KCNQ4: variants seen among roughly 807,000 people sequenced by gnomAD.
KCNQ4 encodes the protein potassium voltage-gated channel subfamily Q member 4.
In KCNQ4, 31 loss-of-function variants were observed where a neutral mutation model predicts 72.6. The observed-to-expected ratio is 0.43, with a 90% CI of 0.32 to 0.58. KCNQ4 has a LOEUF of 0.58. KCNQ4 is among the 20% of genes least tolerant of loss of function. KCNQ4 has a pLI of 0.08. For synonymous variants in KCNQ4, 405 were observed against 403.7 expected (o/e 1.00, Z -0.04); for missense variants, 869 against 962.6 (o/e 0.90, Z 1.29).
At chr1:40,791,069 T>G (rs1467770184) in intron 1 of KCNQ4, among the ~76,000 whole-genome samples, 1 of 151,464 alleles carries the variant, frequency 6.6e-6, no homozygotes, top group Non-Finnish European at 1.5e-5. Context: ...AGGAGGGCAC[T>G]CCCCCACTCT....
chr1:40,833,248 A>T (rs1050468503), intron 11 of KCNQ4, 135 bp downstream of exon 11: 15 of 651,128 alleles, frequency 2.3e-5, no homozygotes, highest in Non-Finnish European at 4.2e-5. Context: ...GTCTCTACTA[A>T]AAATACAAAA....
intron 9 of KCNQ4, among the ~76,000 whole-genome samples, chr1:40,824,563 C>A (rs3767941): frequency 6.6e-6 from 1 of 151,952 alleles, no homozygotes. Context: ...GTTCCCACGT[C>A]CCCCTTACTC....
chr1:40,785,256 A>T (rs1647190323), intron 1 of KCNQ4, among the ~76,000 whole-genome samples: 2 of 152,190 alleles, frequency 1.3e-5, no homozygotes, highest in African/African-American at 4.8e-5. Context: ...GTGAAGAGTG[A>T]ATTTTGGCAG....
intron 9 of KCNQ4, among the ~76,000 whole-genome samples, chr1:40,828,034 G>A (rs1375384180): frequency 6.6e-6 from 1 of 152,242 alleles, no homozygotes; most frequent in East Asian, 1.9e-4. Flanking sequence ...GTGTGGACAG[G>A]AAGGACACAG....
intron 7 of KCNQ4, 90 bp from the exon 8 acceptor site, chr1:40,822,224 A>G (rs1648318778): frequency 9.0e-7 from 1 of 1,108,540 alleles, no homozygotes; most frequent in South Asian, 1.3e-5. Context: ...CCACAACTGG[A>G]CCAAGGACTG....
rs187050969 is a variant in KCNQ4, at chr1:40,788,152, G to C, written c.314+3745G>C. Among the ~76,000 whole-genome samples, 9 of 152,152 alleles carry C rather than the reference G, an allele frequency of 5.9e-5. No homozygotes were observed. In the East Asian group the frequency reaches 1.7e-3, roughly 29 times the overall value. On this transcript the variant is annotated intron_variant, in intron 1 of 13. Transcript: ENST00000347132. This position sits in a 1 kb window ranked among gnomAD's most constrained non-coding sequence, Gnocchi z 4.5. ...TCTGAGAAAGAACATCGCCTGGGTTGGAAATCATCCCAGCAAAGTGTCCTC... is the reference window on the plus strand; with the variant it reads ...TCTGAGAAAGAACATCGCCTGGGTTCGAAATCATCCCAGCAAAGTGTCCTC...
chr1:40,838,553 G>C lies in KCNQ4; in HGVS notation c.*30G>C. The C allele has an allele frequency of 6.2e-7, 1 of 1,603,074 alleles. No homozygotes were observed. ...CTTCTCAGAGGCAGGGCAGCACACGGCCAGCCCCGCGGCCTGGCGCTCCGA... is the reference window on the plus strand; with the variant it reads ...CTTCTCAGAGGCAGGGCAGCACACGCCCAGCCCCGCGGCCTGGCGCTCCGA... On this transcript the variant is annotated 3_prime_UTR_variant, in exon 14 of 14. Coordinates refer to ENST00000347132, the MANE Select transcript of KCNQ4 (RefSeq NM_004700.4).
chr1:40,834,012 A>G (rs1648736999), intron 11 of KCNQ4, among the ~76,000 whole-genome samples: 1 of 151,886 alleles, frequency 6.6e-6, no homozygotes, highest in Admixed American at 6.6e-5. Flanking sequence ...TTGTCTCTAA[A>G]TAGATAAATA....
intron 1 of KCNQ4, among the ~76,000 whole-genome samples, chr1:40,802,834 A>G (rs1316480534): frequency 6.6e-6 from 1 of 152,200 alleles, no homozygotes; most frequent in Non-Finnish European, 1.5e-5. Context: ...ACCAGGGATC[A>G]TTGGTCCCAT....
intron 1 of KCNQ4, among the ~76,000 whole-genome samples, chr1:40,810,964 G>T (rs1266562468): frequency 6.6e-6 from 1 of 152,204 alleles, no homozygotes; most frequent in Non-Finnish European, 1.5e-5. Flanking sequence ...GCTTTATTGA[G>T]ATATAATTCA....
At chr1:40,833,186 A>C in intron 11 of KCNQ4, 73 bp downstream of exon 11, 1 of 1,122,666 alleles carries the variant, frequency 8.9e-7, no homozygotes, top group Non-Finnish European at 1.3e-6. Context: ...GGGCGGGTGG[A>C]TCACTTGAGG....
chr1:40,793,500 C>G (rs1366480488), intron 1 of KCNQ4, among the ~76,000 whole-genome samples: 1 of 152,146 alleles, frequency 6.6e-6, no homozygotes, highest in African/African-American at 2.4e-5. Context: ...ACAGCCTCCG[C>G]TCTGCAGTTT....
chr1:40,837,811 G>A lies in KCNQ4; in HGVS notation c.1875+17G>A. The A allele has an allele frequency of 6.2e-7, 1 of 1,600,360 alleles. No homozygotes were observed. Among genetic ancestry groups the A allele is most frequent in the Admixed American group, 1.7e-5 (1 of 57,422 alleles). ...GAGAAGCAGGTGAGTGTAGGATGGG[G>A]TGGCGGAGCTGGCCATACCAAGAAG... On this transcript the variant is annotated intron_variant, in intron 13 of 13. Coordinates refer to ENST00000347132, the MANE Select transcript of KCNQ4 (RefSeq NM_004700.4).
chr1:40,800,934 A>G (rs908248446), intron 1 of KCNQ4, among the ~76,000 whole-genome samples: 5 of 152,234 alleles, frequency 3.3e-5, no homozygotes, highest in South Asian at 4.1e-4. Flanking sequence ...AGACAGTACA[A>G]AAGCCACCAA....
chr1:40,819,143 T>A (rs891165760), intron 4 of KCNQ4, among the ~76,000 whole-genome samples: 1 of 3,676 alleles, frequency 2.7e-4, no homozygotes, highest in African/African-American at 1.1e-3. Context: ...AGGGTGGGGG[T>A]GGGAATGGGG....
At chr1:40,823,853 C>T (rs1423147997) in intron 8 of KCNQ4, among the ~76,000 whole-genome samples, 1 of 152,234 alleles carries the variant, frequency 6.6e-6, no homozygotes, top group African/African-American at 2.4e-5. Flanking sequence ...GCTCCTTGCA[C>T]GGCTGCCCTT....
chr1:40,828,372 A>G (rs929670556), intron 9 of KCNQ4, among the ~76,000 whole-genome samples: 2 of 152,182 alleles, frequency 1.3e-5, no homozygotes. Flanking sequence ...CGACTATCAC[A>G]TGCATGGTAG....
chr1:40,830,064 G>A (rs1017773092), intron 9 of KCNQ4, among the ~76,000 whole-genome samples: 2 of 152,188 alleles, frequency 1.3e-5, no homozygotes, highest in Non-Finnish European at 2.9e-5. Flanking sequence ...AGACGTGCAC[G>A]TACACGTTCA....
chr1:40,818,801 C>A, intron 4 of KCNQ4, 121 bp downstream of exon 4: 1 of 1,139,436 alleles, frequency 8.8e-7, no homozygotes, highest in South Asian at 1.4e-5. Context: ...GTGTGGCCTG[C>A]GGGGGTTGGA....
Sources: gnomAD v4.1 joint callset for allele counts (sites outside exome capture counted in the v4.1 genomes callset) on GRCh38, gnomAD v4.1.1 for gene constraint, Gnocchi (gnomAD v3.1) non-coding constraint, MANE v1.5 for transcripts, NCBI Gene and HGNC (gene_info 2026-07-23, HGNC 2026-07-21) for gene names.